Variants in CDC14A observed in about 807,000 individuals in gnomAD.
CDC14A encodes the protein dual specificity protein phosphatase CDC14A.
CDC14A carries 53 observed loss-of-function variants against 74.4 expected under a neutral mutation model. The ratio of observed to expected loss-of-function variants is 0.71; its 90% CI spans 0.57 to 0.89. The LOEUF (loss-of-function observed/expected upper bound fraction) is 0.89. Ranked by LOEUF, CDC14A falls within the 40% of genes least tolerant of loss-of-function variation. The probability of loss-of-function intolerance (pLI) is 0.00; values close to 1 mark genes in which losing one functional copy is unlikely to be tolerated. For missense variants in CDC14A, 646 were observed against 713.7 expected (o/e 0.91, Z 1.08); for synonymous variants, 247 against 258.4 (o/e 0.96, Z 0.43).
intron 10 of CDC14A, among the ~76,000 whole-genome samples, chr1:100,469,093 ATAAT>A (rs2101263370): frequency 6.6e-6 from 1 of 152,168 alleles, no homozygotes; most frequent in South Asian, 2.1e-4. Context: ...TCTTTTCCAT[ATAAT>A]TATTTATTTC....
At chr1:100,461,120 TG>T (rs1226353571) in intron 8 of CDC14A, among the ~76,000 whole-genome samples, 2 of 152,204 alleles carry the variant, frequency 1.3e-5, no homozygotes, top group African/African-American at 2.4e-5. Context: ...CCTTTAAGGC[TG>T]GGGGGACAAA....
chr1:100,374,764 A>T (rs1465982446), intron 2 of CDC14A, among the ~76,000 whole-genome samples: 1 of 152,218 alleles, frequency 6.6e-6, no homozygotes, highest in Non-Finnish European at 1.5e-5. Context: ...GCAGCAAAAA[A>T]ATTAAATGAC....
chr1:100,429,695 T>C (rs900372518), intron 5 of CDC14A, among the ~76,000 whole-genome samples: 27 of 144,208 alleles, frequency 1.9e-4, no homozygotes, highest in South Asian at 6.3e-4. Flanking sequence ...AAAATATATA[T>C]ATATATATCA....
At chr1:100,400,420 A>G (rs1332519462) in intron 4 of CDC14A, among the ~76,000 whole-genome samples, 1 of 152,154 alleles carries the variant, frequency 6.6e-6, no homozygotes, top group African/African-American at 2.4e-5. Flanking sequence ...AATATATTAG[A>G]TGTCAGCTAC....
chr1:100,511,026 T>C (rs1199533799), intron 15 of CDC14A, among the ~76,000 whole-genome samples: 2 of 152,224 alleles, frequency 1.3e-5, no homozygotes, highest in Admixed American at 6.5e-5. Context: ...CATCCATTTC[T>C]TCCTTCCCTT....
chr1:100,495,922 A>C, intron 12 of CDC14A, 80 bp from the exon 13 acceptor site: 3 of 1,142,590 alleles, frequency 2.6e-6, no homozygotes, highest in Non-Finnish European at 2.6e-6. Context: ...TACTGGTTTG[A>C]TACCATTTGA....
intron 15 of CDC14A, among the ~76,000 whole-genome samples, chr1:100,513,637 TTTTA>T (rs1417092647): frequency 6.6e-6 from 1 of 152,194 alleles, no homozygotes; most frequent in Non-Finnish European, 1.5e-5. Flanking sequence ...AGCTAACATG[TTTTA>T]TTTATTAACC....
At chr1:100,433,195 C>A (rs1292820045) in intron 5 of CDC14A, among the ~76,000 whole-genome samples, 1 of 152,082 alleles carries the variant, frequency 6.6e-6, no homozygotes, top group Non-Finnish European at 1.5e-5. Flanking sequence ...TTCAAAAGGT[C>A]AATAGTTCTT....
chr1:100,446,611 A>C (rs1665566081), intron 7 of CDC14A, among the ~76,000 whole-genome samples: 1 of 151,638 alleles, frequency 6.6e-6, no homozygotes, highest in African/African-American at 2.4e-5. Flanking sequence ...TTAACATGTA[A>C]GCAATACAAA....
intron 8 of CDC14A, 75 bp downstream of exon 8, chr1:100,455,567 A>G (rs1033501812): frequency 7.7e-5 from 66 of 859,898 alleles, no homozygotes; most frequent in Non-Finnish European, 1.2e-4. Context: ...TTCCTCAGAT[A>G]ATTATTTTCT....
intron 3 of CDC14A, among the ~76,000 whole-genome samples, chr1:100,384,241 A>G (rs1656539865): frequency 6.6e-6 from 1 of 152,228 alleles, no homozygotes. Flanking sequence ...AGTACCATTA[A>G]GTATTTATGA....
At chr1:100,514,769 T>G (rs1648837150) in intron 15 of CDC14A, among the ~76,000 whole-genome samples, 1 of 152,226 alleles carries the variant, frequency 6.6e-6, no homozygotes, top group Non-Finnish European at 1.5e-5. Context: ...AGTACTCAAA[T>G]ATCTAGTTCA....
chr1:100,427,920 G>A (rs1663149304), intron 5 of CDC14A, among the ~76,000 whole-genome samples: 1 of 152,124 alleles, frequency 6.6e-6, no homozygotes, highest in South Asian at 2.1e-4. Context: ...AAGATGTTAG[G>A]AATAGGCCCC....
intron 6 of CDC14A, among the ~76,000 whole-genome samples, chr1:100,441,354 C>T (rs1459364737): frequency 6.6e-6 from 1 of 152,164 alleles, no homozygotes; most frequent in Non-Finnish European, 1.5e-5. Context: ...CCTGTAAGTT[C>T]ATTCTCTTAC....
intron 11 of CDC14A, among the ~76,000 whole-genome samples, chr1:100,487,922 T>C (rs1670207829): frequency 6.6e-6 from 1 of 152,184 alleles, no homozygotes; most frequent in South Asian, 2.1e-4. Flanking sequence ...CAGAGACTTT[T>C]ATTTGTCTTC....
chr1:100,490,301 G>A (rs1479176596), intron 11 of CDC14A, among the ~76,000 whole-genome samples: 1 of 152,036 alleles, frequency 6.6e-6, no homozygotes, highest in Non-Finnish European at 1.5e-5. Context: ...ATGTAAATAT[G>A]TTTTGAATAA....
intron 6 of CDC14A, among the ~76,000 whole-genome samples, chr1:100,440,372 A>G (rs1664794367): frequency 6.6e-6 from 1 of 152,148 alleles, no homozygotes. Context: ...GTCCCACCCC[A>G]GACCCACTAA....
intron 8 of CDC14A, among the ~76,000 whole-genome samples, chr1:100,459,101 GCACACACACACA>G (rs545033793): frequency 1.4e-5 from 2 of 143,690 alleles, no homozygotes; most frequent in Non-Finnish European, 1.5e-5. Flanking sequence ...ACACACACAC[GCACACACACACA>G]CACACACACA....
chr1:100,465,041 T>C (rs1399353776), intron 9 of CDC14A, among the ~76,000 whole-genome samples: 2 of 151,874 alleles, frequency 1.3e-5, no homozygotes, highest in Non-Finnish European at 2.9e-5. Flanking sequence ...TTCTCCTGCC[T>C]CAGCCTCCCA....
Sources: gnomAD v4.1 joint callset for allele counts (sites outside exome capture counted in the v4.1 genomes callset) on GRCh38, gnomAD v4.1.1 for gene constraint, MANE v1.5 for transcripts, NCBI Gene and HGNC (gene_info 2026-07-23, HGNC 2026-07-21) for gene names.